The following RCL1 variants were observed in gnomAD, a reference collection of about 807,000 sequenced individuals.
RCL1 encodes RNA terminal phosphate cyclase like 1.
A neutral mutation model predicts 42.4 loss-of-function variants in RCL1; 24 were observed. That is an observed-to-expected ratio of 0.57 (90% confidence interval 0.41 to 0.80). The LOEUF is 0.80. RCL1 is among the 30% of genes least tolerant of loss of function. The probability of loss-of-function intolerance (pLI) is 0.00; values close to 1 mark genes in which losing one functional copy is unlikely to be tolerated. For synonymous variants in RCL1, 228 were observed against 177.3 expected (o/e 1.29, Z -2.27); for missense variants, 578 against 467.9 (o/e 1.24, Z -2.17).
intron 8 of RCL1, among the ~76,000 whole-genome samples, chr9:4,857,377 A>G (rs912993009): frequency 6.6e-6 from 1 of 151,942 alleles, no homozygotes; most frequent in Admixed American, 6.5e-5. Context: ...GTCCTTTGTG[A>G]CTGGATTCTT....
chr9:4,817,060 G>A (rs895741387), intron 1 of RCL1, among the ~76,000 whole-genome samples: 6 of 152,054 alleles, frequency 3.9e-5, no homozygotes, highest in Admixed American at 6.5e-5. Flanking sequence ...CTTGTAATCC[G>A]CCTGCCTCGG....
At position 4,844,647 on chromosome 9, in the gene RCL1, A is replaced by G; in HGVS notation, c.833A>G (p.Asn278Ser). 2 of 1,613,726 alleles carry G rather than the reference A, an allele frequency of 1.2e-6. No homozygotes were observed. The highest frequency in any genetic ancestry group is 2.7e-5 in the African/African-American group (2 of 75,030). Residue 278 changes from asparagine to serine, a missense_variant, in exon 7 of 9, where the codon AAC becomes AGC. Physicochemically the swap from Asn to Ser is conservative, Grantham distance 46. Transcript: ENST00000381750. ...GTACTTCCAGAGGACCTTGGCAGGAACTGTGCCCGGCTGCTGCTGGAGGAA... is the reference window on the plus strand; with the variant it reads ...GTACTTCCAGAGGACCTTGGCAGGAGCTGTGCCCGGCTGCTGCTGGAGGAA... Reference protein sequence around the residue: ...AAVLPEDLGRNCARLLLEEIY... With the variant: ...AAVLPEDLGRSCARLLLEEIY...
In RCL1 at chr9:4,860,544, A is replaced by T; in HGVS notation, c.*269A>T. On this transcript the variant is annotated 3_prime_UTR_variant, in exon 9 of 9. Coordinates refer to ENST00000381750, the MANE Select transcript of RCL1 (RefSeq NM_005772.5). Reference sequence around the variant, plus strand: ...TGGAGGAAGAATGTGCCTTCAGGCCACAGTCGTGCTGCTAGAACAGTCTCG... The same window carrying T: ...TGGAGGAAGAATGTGCCTTCAGGCCTCAGTCGTGCTGCTAGAACAGTCTCG... 2.4e-6 allele frequency: 1 copy of T among 411,650 alleles called. No individual in the cohort carries two copies. Among genetic ancestry groups the T allele is most frequent in the South Asian group, 3.2e-5 (1 of 31,296 alleles). The allele number at this position is 411,650 out of a possible 1,614,324, so 25.5% of individuals were successfully genotyped here.
intron 1 of RCL1, chr9:4,804,137 C>G (rs1248787603): frequency 6.6e-6 from 1 of 152,586 alleles, no homozygotes; most frequent in Non-Finnish European, 1.5e-5. Flanking sequence ...TACATCTGGT[C>G]GGGCAGGAAG....
chr9:4,825,507 G>GT (rs1816731752), intron 2 of RCL1, among the ~76,000 whole-genome samples: 1 of 152,124 alleles, frequency 6.6e-6, no homozygotes, highest in Non-Finnish European at 1.5e-5. Flanking sequence ...GATTGTGATT[G>GT]TTTGGATTCT....
At position 4,809,419 on chromosome 9, in the gene RCL1, C is replaced by A. The variant is rs375358627; in HGVS notation, c.137-14129C>A. 2.9e-3 allele frequency among the ~76,000 whole-genome samples: 433 copies of A among 151,774 alleles called. 2 individuals are homozygous for A. The highest frequency in any genetic ancestry group is 0.01 in the African/African-American group (420 of 41,380). On this transcript the variant is annotated intron_variant, in intron 1 of 8. Transcript: ENST00000381750. Reference sequence around the variant, plus strand: ...CCGCCTCCTGGATTCAAGCGATTCCCCTGCCTCAGCCTCCCAAGTAGCTGG... The same window carrying A: ...CCGCCTCCTGGATTCAAGCGATTCCACTGCCTCAGCCTCCCAAGTAGCTGG...
At chr9:4,850,612 C>T (rs564528954) in intron 8 of RCL1, among the ~76,000 whole-genome samples, 1 of 150,884 alleles carries the variant, frequency 6.6e-6, no homozygotes, top group South Asian at 2.1e-4. Context: ...GTAAGGACCA[C>T]ATTATCTCCT....
At chr9:4,808,500 G>T (rs1022748343) in intron 1 of RCL1, among the ~76,000 whole-genome samples, 6 of 152,068 alleles carry the variant, frequency 3.9e-5, no homozygotes, top group African/African-American at 1.4e-4. Context: ...TAGAGACAGG[G>T]TTTCGCCATG....
At chr9:4,835,207 T>C (rs1385846501) in intron 5 of RCL1, among the ~76,000 whole-genome samples, 1 of 152,182 alleles carries the variant, frequency 6.6e-6, no homozygotes, top group Non-Finnish European at 1.5e-5. Flanking sequence ...TGGAATCAGA[T>C]ACTATGCAGA....
At chr9:4,859,522 G>T (rs900048505) in intron 8 of RCL1, among the ~76,000 whole-genome samples, 1 of 152,270 alleles carries the variant, frequency 6.6e-6, no homozygotes, top group Admixed American at 6.5e-5. Context: ...GTAGGCACTT[G>T]ATACATATTA....
At chr9:4,811,199 T>C (rs889672230) in intron 1 of RCL1, among the ~76,000 whole-genome samples, 2 of 151,846 alleles carry the variant, frequency 1.3e-5, no homozygotes, top group African/African-American at 4.8e-5. Flanking sequence ...GGAGGATCAC[T>C]TGAGCCCAGG....
chr9:4,843,068 C>T (rs1817389698), intron 6 of RCL1, among the ~76,000 whole-genome samples: 2 of 152,114 alleles, frequency 1.3e-5, no homozygotes, highest in Admixed American at 6.5e-5. Context: ...AACTCCAAGC[C>T]CCATTTTAAA....
Position 4,833,199 on chromosome 9 carries a change from G to C in RCL1, c.430G>C (p.Gly144Arg), listed in dbSNP as rs1817008656. 1 of 1,612,904 alleles carries C rather than the reference G, an allele frequency of 6.2e-7. No individual in the cohort carries two copies. The highest frequency in any genetic ancestry group is 1.3e-5 in the African/African-American group (1 of 74,904). Residue 144 changes from glycine (G) to arginine (R), a missense_variant, in exon 4 of 9, where the codon GGG becomes CGG. By Grantham distance (125) the Gly-to-Arg change is moderately radical. Coordinates refer to ENST00000381750, the MANE Select transcript of RCL1 (RefSeq NM_005772.5). Reference sequence around the variant, plus strand: ...AGCACTCCCTTTGTTGAAACAATTTGGGATTGATGGTGAATCATTTGAACT... The same window carrying C: ...AGCACTCCCTTTGTTGAAACAATTTCGGATTGATGGTGAATCATTTGAACT... Reference protein sequence around the residue: ...ATALPLLKQFGIDGESFELKI... With the variant: ...ATALPLLKQFRIDGESFELKI...
At position 4,834,148 on chromosome 9, in the gene RCL1, G is replaced by C; in HGVS notation, c.467G>C (p.Arg156Pro). The C allele has an allele frequency of 6.2e-7, 1 of 1,605,584 alleles. No individual in the cohort carries two copies. Among genetic ancestry groups the C allele is most frequent in the Non-Finnish European group, 8.5e-7 (1 of 1,175,728 alleles). The change falls in exon 5 of 9, where the codon CGA becomes CCA. Residue 156 changes from arginine to proline, a missense_variant. Arg to Pro is a moderately radical substitution (Grantham distance 103). Transcript: ENST00000381750. ...TTCTCACTCTCTGTGTAGATTGTGC[G>C]ACGGGGAATGCCTCCCGGAGGAGGA... ...DGESFELKIV[R>P]RGMPPGGGGE...
At position 4,805,400 on chromosome 9, in the gene RCL1, AGAAGGG is replaced by A. The variant is rs55663136; in HGVS notation, c.136+12191_136+12196del. Among the ~76,000 whole-genome samples, 8 of 150,130 alleles carry A rather than the reference AGAAGGG, an allele frequency of 5.3e-5. No homozygotes were observed. In the East Asian group the frequency reaches 5.9e-4, roughly 11 times the overall value. Reference sequence around the variant, plus strand: ...CCTGTCTCTAAAAAGAAGAAGAAGGAGAAGGGGAAGGGGAAGGGGAAGGCCAAAACC... The same window carrying A: ...CCTGTCTCTAAAAAGAAGAAGAAGGAGAAGGGGAAGGGGAAGGCCAAAACC... On this transcript the variant is annotated intron_variant, in intron 1 of 8. Coordinates refer to ENST00000381750, the MANE Select transcript of RCL1 (RefSeq NM_005772.5).
chr9:4,820,315 G>A (rs923751304), intron 1 of RCL1, among the ~76,000 whole-genome samples: 3 of 152,160 alleles, frequency 2.0e-5, no homozygotes, highest in Admixed American at 1.3e-4. Flanking sequence ...ACCATTATTA[G>A]GTGGACTTGA....
At chr9:4,835,902 C>T (rs937539695) in intron 5 of RCL1, among the ~76,000 whole-genome samples, 4 of 152,088 alleles carry the variant, frequency 2.6e-5, no homozygotes, top group African/African-American at 4.8e-5. Flanking sequence ...TTTATTCTTA[C>T]TTGAGAGGGG....
intron 7 of RCL1, among the ~76,000 whole-genome samples, chr9:4,847,525 T>C (rs1261731566): frequency 6.6e-6 from 1 of 152,222 alleles, no homozygotes; most frequent in Non-Finnish European, 1.5e-5. Flanking sequence ...TCCTTTTCAC[T>C]GCTCTAATCA....
intron 2 of RCL1, among the ~76,000 whole-genome samples, chr9:4,826,124 C>T (rs997064628): frequency 4.0e-5 from 6 of 151,656 alleles, no homozygotes; most frequent in Non-Finnish European, 7.4e-5. Context: ...ATTAGCTGGT[C>T]GTGGTCCCAG....
Sources: gnomAD v4.1 joint callset for allele counts (sites outside exome capture counted in the v4.1 genomes callset) on GRCh38, gnomAD v4.1.1 for gene constraint, MANE v1.5 for transcripts, NCBI Gene and HGNC (gene_info 2026-07-23, HGNC 2026-07-21) for gene names.